The following MYO18B variants were observed in gnomAD, a reference collection of about 807,000 sequenced individuals.
MYO18B encodes the protein unconventional myosin-XVIIIb.
Under a neutral mutation model 273.0 loss-of-function variants are expected in MYO18B, and 204 were observed. That is an observed-to-expected ratio of 0.75 (90% confidence interval 0.67 to 0.84). The LOEUF (loss-of-function observed/expected upper bound fraction) is 0.84. Among genes scored for constraint, MYO18B ranks in the 40% least tolerant of loss-of-function variants. The pLI, the probability that MYO18B is intolerant of heterozygous loss-of-function variation, is 0.00. For synonymous variants in MYO18B, 1,330 were observed against 1,305.7 expected (o/e 1.02, Z -0.40); for missense variants, 3,212 against 3,287.6 (o/e 0.98, Z 0.56).
At chr22:25,815,090 A>G (rs1432159996) in intron 12 of MYO18B, among the ~76,000 whole-genome samples, 3 of 152,276 alleles carry the variant, frequency 2.0e-5, no homozygotes, top group Non-Finnish European at 4.4e-5. Flanking sequence ...TGCTTAGCAC[A>G]GGCTCAGACG....
intron 11 of MYO18B, among the ~76,000 whole-genome samples, chr22:25,787,061 A>G (rs1013609866): frequency 2.0e-5 from 3 of 151,986 alleles, no homozygotes; most frequent in Non-Finnish European, 4.4e-5. Flanking sequence ...TAAAAATACT[A>G]AAAATTAGCT....
intron 24 of MYO18B, chr22:25,877,250 TG>T (rs544767263): frequency 6.6e-6 from 1 of 152,194 alleles, no homozygotes; most frequent in Non-Finnish European, 1.5e-5. Context: ...ACCTAGCACC[TG>T]GGTATCTTCA....
Position 25,780,097 on chromosome 22 carries a change from G to A in MYO18B, c.2110G>A (p.Gly704Ser), listed in dbSNP as rs1384114615. 7 of 1,599,768 alleles carry A rather than the reference G, an allele frequency of 4.4e-6. No homozygotes were observed. Among genetic ancestry groups the A allele is most frequent in the African/African-American group, 2.7e-5 (2 of 74,666 alleles). Residue 704 changes from glycine (G) to serine (S), a missense_variant, in exon 9 of 44, where the codon GGC (glycine) becomes AGC (serine). Coordinates refer to ENST00000335473, the MANE Select transcript of MYO18B (RefSeq NM_032608.7). ...CACCTTCACTGTCCTCCGGGCCTTC[G>A]GCTCTGTGTCCATGGCCCACAGCCG... is the stretch of plus-strand genomic sequence containing the variant. Reference protein sequence around the residue: ...RATFTVLRAFGSVSMAHSRSA... With the variant: ...RATFTVLRAFSSVSMAHSRSA...
chr22:26,023,694 A>G (rs1023423462), intron 42 of MYO18B, among the ~76,000 whole-genome samples: 7 of 152,146 alleles, frequency 4.6e-5, no homozygotes, highest in Non-Finnish European at 8.8e-5. Flanking sequence ...GATGAGACAG[A>G]GCATCCAAGA....
At chr22:25,803,539 G>A (rs1250183129) in intron 12 of MYO18B, among the ~76,000 whole-genome samples, 1 of 152,132 alleles carries the variant, frequency 6.6e-6, no homozygotes, top group Non-Finnish European at 1.5e-5. Context: ...CCCAGAGGCA[G>A]AGCGGTTCTG....
intron 43 of MYO18B, among the ~76,000 whole-genome samples, chr22:26,028,887 CAAAAAA>C (rs554144546): frequency 4.0e-5 from 3 of 75,674 alleles, no homozygotes; most frequent in Admixed American, 1.4e-4. Flanking sequence ...GACTCCGTCT[CAAAAAA>C]AAAAAAAAAA....
chr22:26,027,772 C>G lies in MYO18B; in HGVS notation c.*12+82C>G. The G allele has an allele frequency of 7.2e-7, 1 of 1,384,808 alleles. No individual in the cohort carries two copies. The highest frequency in any genetic ancestry group is 9.6e-7 in the Non-Finnish European group (1 of 1,041,168). The allele number at this position is 1,384,808 out of a possible 1,614,324, so 85.8% of individuals were successfully genotyped here. On this transcript the variant is annotated intron_variant, in intron 43 of 43. Coordinates refer to ENST00000335473, the MANE Select transcript of MYO18B (RefSeq NM_032608.7). This position sits in a 1 kb window ranked among gnomAD's most constrained non-coding sequence, Gnocchi z 4.1. Reference sequence around the variant, plus strand: ...TGGGGAGAGCAGGTGCCACTACTGTCCTTAATGCCACAACCGATTTCTCTA... The same window carrying G: ...TGGGGAGAGCAGGTGCCACTACTGTGCTTAATGCCACAACCGATTTCTCTA...
rs115649524 is a variant in MYO18B at position 25,793,285 on chromosome 22, A to T, written c.2377-4668A>T. Among the ~76,000 whole-genome samples, 1,436 of 152,230 alleles carry T rather than the reference A, an allele frequency of 9.4e-3. 18 individuals carry two copies. The highest frequency in any genetic ancestry group is 0.032 in the African/African-American group (1,335 of 41,552). On this transcript the variant is annotated intron_variant, in intron 11 of 43. Transcript: ENST00000335473. Reference sequence around the variant, plus strand: ...GGTCTTATTCTGTCATCCAGGATGGAGTGCAGTAGTGGGATCATAGCTCAC... The same window carrying T: ...GGTCTTATTCTGTCATCCAGGATGGTGTGCAGTAGTGGGATCATAGCTCAC...
the MYO18B span, among the ~76,000 whole-genome samples, chr22:26,049,466 G>C: frequency 2.2e-4 from 34 of 152,338 alleles, 1 homozygote; most frequent in African/African-American, 8.2e-4. Flanking sequence ...AAGCATTGGG[G>C]AGTACAGTAA....
At chr22:25,917,094 C>G (rs2092272195) in intron 33 of MYO18B, among the ~76,000 whole-genome samples, 1 of 152,140 alleles carries the variant, frequency 6.6e-6, no homozygotes, top group South Asian at 2.1e-4. Context: ...AATAATGTAA[C>G]TGTTTATGAG....
At chr22:25,806,807 G>A (rs2145807191) in intron 12 of MYO18B, among the ~76,000 whole-genome samples, 1 of 152,296 alleles carries the variant, frequency 6.6e-6, no homozygotes, top group Middle Eastern at 3.4e-3. Flanking sequence ...GGGAGAGCTG[G>A]CTTCCCAGAA....
intron 25 of MYO18B, among the ~76,000 whole-genome samples, chr22:25,886,437 C>A (rs1257035071): frequency 6.6e-6 from 1 of 152,178 alleles, no homozygotes; most frequent in African/African-American, 2.4e-5. Flanking sequence ...ATCCCACAAG[C>A]CAGCTGGTAC....
At chr22:25,977,548 G>A (rs906340578) in intron 39 of MYO18B, among the ~76,000 whole-genome samples, 6 of 152,160 alleles carry the variant, frequency 3.9e-5, no homozygotes, top group African/African-American at 1.4e-4. Flanking sequence ...TTGTGGAGAG[G>A]AGAAAGGAAG....
At chr22:25,880,780 G>A (rs965965503) in intron 25 of MYO18B, among the ~76,000 whole-genome samples, 4 of 152,232 alleles carry the variant, frequency 2.6e-5, no homozygotes, top group Non-Finnish European at 5.9e-5. Context: ...AGCAGAAGGA[G>A]GTGACAGTGA....
chr22:25,762,314 G>A (rs1020504132), intron 2 of MYO18B, among the ~76,000 whole-genome samples: 1 of 152,206 alleles, frequency 6.6e-6, no homozygotes, highest in Admixed American at 6.5e-5. Context: ...TCCCTTATCA[G>A]TTGGGCTACA....
chr22:25,967,470 G>C (rs935042847), intron 39 of MYO18B, among the ~76,000 whole-genome samples: 1 of 152,204 alleles, frequency 6.6e-6, no homozygotes, highest in Admixed American at 6.5e-5. Flanking sequence ...AGTATAATTC[G>C]GTTTGAAGGG....
At chr22:25,950,534 G>A (rs1355821305) in intron 37 of MYO18B, 84 bp downstream of exon 37, 9 of 687,036 alleles carry the variant, frequency 1.3e-5, no homozygotes, top group African/African-American at 3.7e-5. Context: ...GTGTGTGTGT[G>A]TGTGTGTGTG....
intron 37 of MYO18B, among the ~76,000 whole-genome samples, 171 bp downstream of exon 37, chr22:25,950,621 G>A (rs2092782074): frequency 6.6e-6 from 1 of 151,804 alleles, no homozygotes; most frequent in South Asian, 2.1e-4. Flanking sequence ...ACCCAGACTG[G>A]AGTGAAGTGG....
chr22:26,008,358 A>T (rs770911990), intron 42 of MYO18B, among the ~76,000 whole-genome samples: 1 of 152,232 alleles, frequency 6.6e-6, no homozygotes, highest in South Asian at 2.1e-4. Context: ...AGACTGTATC[A>T]TAGTAGAGAA....
Sources: gnomAD v4.1 joint callset for allele counts (sites outside exome capture counted in the v4.1 genomes callset) on GRCh38, gnomAD v4.1.1 for gene constraint, Gnocchi (gnomAD v3.1) non-coding constraint, MANE v1.5 for transcripts, NCBI Gene and HGNC (gene_info 2026-07-23, HGNC 2026-07-21) for gene names.